CAND2: variants seen among roughly 807,000 people sequenced by gnomAD.
CAND2 encodes cullin associated and neddylation dissociated 2 (putative).
CAND2 carries 62 observed loss-of-function variants against 98.9 expected under a neutral mutation model. The ratio of observed to expected loss-of-function variants is 0.63; its 90% CI spans 0.51 to 0.77. CAND2 has a LOEUF of 0.77. CAND2 is among the 30% of genes least tolerant of loss of function. The pLI is 0.00. For synonymous variants in CAND2, 770 were observed against 731.9 expected (o/e 1.05, Z -0.84); for missense variants, 1,501 against 1,655.2 (o/e 0.91, Z 1.62).
In CAND2 at chr3:12,815,079, C is replaced by T. The variant is rs1046936950; in HGVS notation, c.1007-62C>T. On this transcript the variant is annotated intron_variant, in intron 7 of 14. Transcript: ENST00000456430. This position sits in a 1 kb window ranked among gnomAD's most constrained non-coding sequence, Gnocchi z 5.7. ...CTCTCTCTCCTCCCTGTCCCTTCTCCCCCGAGCCACAGACCTGTCCTGGGA... is the reference window on the plus strand; with the variant it reads ...CTCTCTCTCCTCCCTGTCCCTTCTCTCCCGAGCCACAGACCTGTCCTGGGA... 2.6e-6 allele frequency: 4 copies of T among 1,528,668 alleles called. No homozygotes were observed. Among genetic ancestry groups the T allele is most frequent in the African/African-American group, 2.7e-5 (2 of 73,328 alleles). The allele number at this position is 1,528,668 out of a possible 1,614,324, so 94.7% of individuals were successfully genotyped here.
Position 12,815,118 on chromosome 3 carries a change from C to T in CAND2, c.1007-23C>T, listed in dbSNP as rs762422320. ...CCTGTCCTGGGAGATGAGGGTTCCACGTGTGTCTTGTTCCTGCCCCAGAGA... is the reference window on the plus strand; with the variant it reads ...CCTGTCCTGGGAGATGAGGGTTCCATGTGTGTCTTGTTCCTGCCCCAGAGA... On this transcript the variant is annotated intron_variant, in intron 7 of 14. Coordinates refer to ENST00000456430, the MANE Select transcript of CAND2 (RefSeq NM_001162499.2). This position sits in a 1 kb window ranked among gnomAD's most constrained non-coding sequence, Gnocchi z 5.7. 8.8e-5 allele frequency: 139 copies of T among 1,586,928 alleles called. No homozygotes were observed. The highest frequency in any genetic ancestry group is 6.4e-4 in the Admixed American group (38 of 59,126).
chr3:12,831,431 A>T (rs767247249), intron 13 of CAND2, 34 bp from the exon 14 acceptor site: 2 of 1,569,442 alleles, frequency 1.3e-6, no homozygotes, highest in Non-Finnish European at 1.8e-6. Flanking sequence ...CTCCTGCACC[A>T]TTTCACTAAG....
intron 4 of CAND2, among the ~76,000 whole-genome samples, chr3:12,808,834 C>T (rs770994735): frequency 1.2e-4 from 19 of 152,040 alleles, no homozygotes; most frequent in Non-Finnish European, 2.6e-4. Flanking sequence ...GGAGACTGTC[C>T]CCAGTCCAGA....
chr3:12,811,974 C>T (rs1254332314), intron 5 of CAND2, among the ~76,000 whole-genome samples: 2 of 151,570 alleles, frequency 1.3e-5, no homozygotes, highest in Admixed American at 1.3e-4. Flanking sequence ...TGTAGTGGCA[C>T]GATCTCTGCT....
intron 5 of CAND2, 80 bp downstream of exon 5, chr3:12,810,404 A>G (rs1362296708): frequency 8.2e-7 from 1 of 1,224,570 alleles, no homozygotes; most frequent in Non-Finnish European, 1.0e-6. Flanking sequence ...AAAGGGGCGG[A>G]GCTTGGGCCG....
chr3:12,804,130 G>T (rs2061788389), intron 2 of CAND2, among the ~76,000 whole-genome samples: 1 of 152,026 alleles, frequency 6.6e-6, no homozygotes, highest in Non-Finnish European at 1.5e-5. Flanking sequence ...GTAAATGCTG[G>T]GAAGGTCAAG....
chr3:12,812,506 G>A (rs1450359181), intron 5 of CAND2, among the ~76,000 whole-genome samples: 5 of 142,670 alleles, frequency 3.5e-5, no homozygotes, highest in African/African-American at 1.1e-4. Context: ...CCGGGTTCAC[G>A]CCATTCTCCT....
chr3:12,817,660 C>A lies in CAND2; in HGVS notation c.2728C>A (p.Arg910=). 1.2e-6 allele frequency: 2 copies of A among 1,611,806 alleles called. No homozygotes were observed. Among genetic ancestry groups the A allele is most frequent in the Non-Finnish European group, 8.5e-7 (1 of 1,179,098 alleles). Residue 910 remains arginine, a synonymous_variant, in exon 10 of 15, where the codon CGA becomes AGA. Transcript: ENST00000456430. ...GGAGCAGATCGAGGCTGAGCCCCGA[C>A]GACAGTACCTGCTGCTGCACTCACT... ...LLEQIEAEPR[R]QYLLLHSLRE...
At position 12,831,533 on chromosome 3, in the gene CAND2, C is replaced by G. The variant is rs1351086965; in HGVS notation, c.3444C>G (p.Asp1148Glu). The G allele has an allele frequency of 2.5e-6, 4 of 1,613,728 alleles. No individual in the cohort carries two copies. In the African/African-American group the frequency reaches 5.3e-5, roughly 22 times the overall value. Reference protein sequence around the residue: ...LCPAPVLQRVDRLIEPLRATC... With the variant: ...LCPAPVLQRVERLIEPLRATC... ...CTGCACCTGTCCTGCAGAGGGTGGA[C>G]CGACTCATTGAGCCACTAAGGGCCA... The change falls in exon 14 of 15, where the codon GAC becomes GAG. Residue 1148 changes from aspartate to glutamate, a missense_variant. Physicochemically the swap from Asp to Glu is conservative, Grantham distance 45 (BLOSUM62 2). Around this residue, in one of 3 missense-constraint regions of CAND2, gnomAD observed 1,427 missense variants for 1,545.3 expected, o/e 0.92. Transcript: ENST00000456430.
intron 1 of CAND2, among the ~76,000 whole-genome samples, chr3:12,802,137 C>T (rs1348556737): frequency 3.3e-5 from 5 of 152,182 alleles, no homozygotes. Context: ...ACCATCCTGG[C>T]TAACACAGTG....
At position 12,833,964 on chromosome 3, in the gene CAND2, C is replaced by G; in HGVS notation, c.3693C>G (p.Asp1231Glu). The G allele has an allele frequency of 6.2e-7, 1 of 1,614,070 alleles. No homozygotes were observed. Among genetic ancestry groups the G allele is most frequent in the Non-Finnish European group, 8.5e-7 (1 of 1,179,928 alleles). The change falls in exon 15 of 15, where the codon GAC becomes GAG. Residue 1231 changes from aspartate (D) to glutamate (E), a missense_variant. Coordinates refer to ENST00000456430, the MANE Select transcript of CAND2 (RefSeq NM_001162499.2). ...ATTCCGCTTCAGCCCCCAGCACAGACTCAATGGAGCTCAGCTAGTCCCCTC... is the reference window on the plus strand; with the variant it reads ...ATTCCGCTTCAGCCCCCAGCACAGAGTCAATGGAGCTCAGCTAGTCCCCTC... ...QKDSASAPST[D>E]SMELS
At chr3:12,810,453 G>T in intron 5 of CAND2, 129 bp downstream of exon 5, 1 of 461,668 alleles carries the variant, frequency 2.2e-6, no homozygotes, top group Non-Finnish European at 3.2e-6. Flanking sequence ...GTCTGCCTTG[G>T]TAGGGAGGAT....
chr3:12,804,182 G>A (rs149889708), intron 2 of CAND2, among the ~76,000 whole-genome samples: 298 of 152,152 alleles, frequency 2.0e-3, no homozygotes, highest in African/African-American at 6.4e-3. Context: ...GGCTGGGTGC[G>A]GTGGCTCATG....
In CAND2 at chr3:12,802,255, A is replaced by C. The variant is rs1367748258; in HGVS notation, c.69-1233A>C. Among the ~76,000 whole-genome samples, 8 of 152,332 alleles carry C rather than the reference A, an allele frequency of 5.3e-5. No individual in the cohort carries two copies. In the East Asian group the frequency reaches 7.7e-4, roughly 15 times the overall value. On this transcript the variant is annotated intron_variant, in intron 1 of 14. Coordinates refer to ENST00000456430, the MANE Select transcript of CAND2 (RefSeq NM_001162499.2). Reference sequence around the variant, plus strand: ...GGCAGGAGAATGGTGTGAACCCAGGAGATGGAGCTTGCAGTGAGCTGAGAT... The same window carrying C: ...GGCAGGAGAATGGTGTGAACCCAGGCGATGGAGCTTGCAGTGAGCTGAGAT...
intron 13 of CAND2, among the ~76,000 whole-genome samples, chr3:12,829,808 C>T (rs1186194707): frequency 2.6e-5 from 4 of 152,174 alleles, no homozygotes; most frequent in Non-Finnish European, 4.4e-5. Flanking sequence ...GTTTTTTTCC[C>T]CAGCCTTTTA....
chr3:12,827,372 G>C, intron 12 of CAND2, 68 bp from the exon 13 acceptor site: 1 of 1,456,018 alleles, frequency 6.9e-7, no homozygotes, highest in Non-Finnish European at 9.4e-7. Context: ...TGTGGGGTTT[G>C]TAGCAGAAGC....
chr3:12,820,837 G>C (rs148196916), intron 11 of CAND2, among the ~76,000 whole-genome samples: 3 of 152,234 alleles, frequency 2.0e-5, no homozygotes, highest in Non-Finnish European at 4.4e-5. Flanking sequence ...GGGCAGCCCA[G>C]TAGAGAGAGG....
intron 5 of CAND2, among the ~76,000 whole-genome samples, chr3:12,812,314 C>T (rs547538012): frequency 1.3e-5 from 2 of 149,976 alleles, no homozygotes; most frequent in African/African-American, 4.9e-5. Flanking sequence ...ACCTCCACCT[C>T]CCAGGTTCAA....
Position 12,810,798 on chromosome 3 carries a change from C to A in CAND2, c.757+474C>A, listed in dbSNP as rs1313576256. On this transcript the variant is annotated intron_variant, in intron 5 of 14. Transcript: ENST00000456430. Reference sequence around the variant, plus strand: ...TTTAAGAAACAATTTAATGTGCATACAATAAACCGCACTATTTAAAGTGTG... The same window carrying A: ...TTTAAGAAACAATTTAATGTGCATAAAATAAACCGCACTATTTAAAGTGTG... Among the ~76,000 whole-genome samples the A allele has an allele frequency of 3.9e-5, 6 of 152,346 alleles. No individual in the cohort carries two copies. In the South Asian group the frequency reaches 1.2e-3, roughly 32 times the overall value.
Sources: gnomAD v4.1 joint callset for allele counts (sites outside exome capture counted in the v4.1 genomes callset) on GRCh38, gnomAD v4.1.1 for gene constraint, gnomAD v4.1.1 regional missense constraint, Gnocchi (gnomAD v3.1) non-coding constraint, MANE v1.5 for transcripts, NCBI Gene and HGNC (gene_info 2026-07-23, HGNC 2026-07-21) for gene names.